The following DLG2 variants were observed in gnomAD, a reference collection of about 807,000 sequenced individuals.
DLG2 encodes disks large homolog 2.
A neutral mutation model predicts 132.5 loss-of-function variants in DLG2; 45 were observed. The ratio of observed to expected loss-of-function variants is 0.34; its 90% CI spans 0.27 to 0.44. DLG2 has a LOEUF of 0.44. DLG2 is among the 20% of genes least tolerant of loss of function. The pLI, the probability that DLG2 is intolerant of heterozygous loss-of-function variation, is 1.00. For synonymous variants in DLG2, 424 were observed against 419.6 expected (o/e 1.01, Z -0.13); for missense variants, 1,045 against 1,196.9 (o/e 0.87, Z 1.87).
chr11:83,926,588 T>C (rs760194599), intron 15 of DLG2, among the ~76,000 whole-genome samples: 1 of 152,126 alleles, frequency 6.6e-6, no homozygotes, highest in Non-Finnish European at 1.5e-5. Context: ...AATAAATTAA[T>C]AGATATATTT....
At chr11:84,267,205 G>C (rs1295439214) in intron 7 of DLG2, among the ~76,000 whole-genome samples, 1 of 143,342 alleles carries the variant, frequency 7.0e-6, no homozygotes, top group African/African-American at 2.5e-5. Context: ...TTTCATGTTG[G>C]TATTGTGATG....
chr11:83,706,763 C>T (rs537216739), intron 18 of DLG2, among the ~76,000 whole-genome samples: 38 of 152,246 alleles, frequency 2.5e-4, no homozygotes, highest in Admixed American at 2.1e-3. Flanking sequence ...GCCAGAGTGG[C>T]GAGTGGGCTC....
intron 6 of DLG2, among the ~76,000 whole-genome samples, chr11:84,610,459 G>T (rs190375173): frequency 6.6e-6 from 1 of 152,008 alleles, no homozygotes; most frequent in South Asian, 2.1e-4. Context: ...GGTCATAAAA[G>T]GTTCCAGATA....
chr11:85,210,425 G>A (rs1469071352), intron 4 of DLG2, among the ~76,000 whole-genome samples: 1 of 151,908 alleles, frequency 6.6e-6, no homozygotes, highest in Non-Finnish European at 1.5e-5. Flanking sequence ...ATCCATATGG[G>A]GTTTTTTCCC....
At chr11:84,035,224 AT>A (rs1304335664) in intron 11 of DLG2, among the ~76,000 whole-genome samples, 1 of 151,702 alleles carries the variant, frequency 6.6e-6, no homozygotes, top group African/African-American at 2.4e-5. Context: ...TTACAACTCT[AT>A]TTTTCTCATG....
intron 13 of DLG2, among the ~76,000 whole-genome samples, chr11:83,963,679 T>C (rs887852227): frequency 1.3e-5 from 2 of 152,002 alleles, no homozygotes; most frequent in Non-Finnish European, 1.5e-5. Context: ...TTGTTATGTA[T>C]TTAATATAGT....
chr11:83,615,795 G>T (rs1438576038), intron 19 of DLG2, among the ~76,000 whole-genome samples: 1 of 152,156 alleles, frequency 6.6e-6, no homozygotes, highest in Non-Finnish European at 1.5e-5. Flanking sequence ...AGGGACTTTG[G>T]TCTTACAACT....
chr11:85,478,071 G>C (rs771550533), intron 3 of DLG2, among the ~76,000 whole-genome samples: 27 of 151,932 alleles, frequency 1.8e-4, no homozygotes, highest in Admixed American at 4.6e-4. Flanking sequence ...GCAGTGATGG[G>C]ATCATAGCTC....
At chr11:84,976,237 T>C (rs982346831) in intron 6 of DLG2, among the ~76,000 whole-genome samples, 1 of 152,184 alleles carries the variant, frequency 6.6e-6, no homozygotes. Context: ...CAATGGGAAG[T>C]TGATACATGT....
At chr11:84,546,636 G>T in intron 6 of DLG2, 1 of 528,264 alleles carries the variant, frequency 1.9e-6, no homozygotes, top group South Asian at 1.5e-5. Flanking sequence ...ATTTAGGGCT[G>T]CATCCACCTC....
chr11:85,427,549 C>A (rs937971925), intron 3 of DLG2, among the ~76,000 whole-genome samples: 1 of 152,076 alleles, frequency 6.6e-6, no homozygotes, highest in African/African-American at 2.4e-5. Flanking sequence ...GAAGGAGAAA[C>A]AAAATCCTTT....
At chr11:84,249,109 G>A (rs1201166609) in intron 8 of DLG2, among the ~76,000 whole-genome samples, 1 of 152,146 alleles carries the variant, frequency 6.6e-6, no homozygotes, top group Non-Finnish European at 1.5e-5. Context: ...AACCCTAATA[G>A]GAGGCTTTGA....
chr11:84,098,877 G>A (rs372346330), intron 10 of DLG2, 46 bp downstream of exon 10: 1 of 1,595,542 alleles, frequency 6.3e-7, no homozygotes, highest in African/African-American at 1.3e-5. Context: ...TCTCATTGAT[G>A]CAGCAGATTT....
chr11:84,317,990 T>C (rs2098377933), intron 7 of DLG2, among the ~76,000 whole-genome samples: 1 of 152,196 alleles, frequency 6.6e-6, no homozygotes, highest in African/African-American at 2.4e-5. Flanking sequence ...TTGGGCTTAT[T>C]TTAAAACAGT....
intron 15 of DLG2, among the ~76,000 whole-genome samples, chr11:83,918,243 G>T (rs1015376614): frequency 1.3e-5 from 2 of 152,142 alleles, no homozygotes; most frequent in Non-Finnish European, 2.9e-5. Context: ...AACAGTATAC[G>T]TATAGGTGAG....
intron 7 of DLG2, among the ~76,000 whole-genome samples, chr11:84,529,100 A>C (rs915915874): frequency 2.0e-5 from 3 of 152,132 alleles, no homozygotes; most frequent in African/African-American, 7.2e-5. Context: ...ATTTATTCCT[A>C]TTACTATTGG....
intron 5 of DLG2, among the ~76,000 whole-genome samples, chr11:85,135,983 G>A (rs1164404593): frequency 6.6e-6 from 1 of 152,156 alleles, no homozygotes; most frequent in Non-Finnish European, 1.5e-5. Flanking sequence ...CTAAGATGAG[G>A]AAGAACCATA....
intron 6 of DLG2, among the ~76,000 whole-genome samples, chr11:84,715,580 T>C (rs2061128643): frequency 6.6e-6 from 1 of 152,132 alleles, no homozygotes; most frequent in Non-Finnish European, 1.5e-5. Flanking sequence ...TTTGTATGTG[T>C]TCTACTTTTT....
At chr11:83,583,106 G>A (rs2145021229) in intron 19 of DLG2, among the ~76,000 whole-genome samples, 2 of 152,298 alleles carry the variant, frequency 1.3e-5, no homozygotes, top group East Asian at 1.9e-4. Flanking sequence ...TCTCACTTGA[G>A]AGTTTCATTT....
Sources: allele counts gnomAD v4.1 joint callset (sites outside exome capture counted in the v4.1 genomes callset), GRCh38; gene constraint gnomAD v4.1.1; transcripts MANE v1.5; gene names NCBI Gene and HGNC (gene_info 2026-07-23, HGNC 2026-07-21).